MYOM3: variants seen among roughly 807,000 people sequenced by gnomAD.
The protein encoded by MYOM3 is myomesin 3.
Under a neutral mutation model 191.7 loss-of-function variants are expected in MYOM3, and 155 were observed. That is an observed-to-expected ratio of 0.81 (90% CI 0.71 to 0.92). The LOEUF (loss-of-function observed/expected upper bound fraction) is 0.92. MYOM3 is among the 40% of genes least tolerant of loss of function. The pLI is 0.00. For missense variants in MYOM3, 1,889 were observed against 1,890.6 expected (o/e 1.00, Z 0.02); for synonymous variants, 757 against 762.9 (o/e 0.99, Z 0.13).
rs746308328 is a variant in MYOM3, at chr1:24,076,153, C to T, written c.2701+6G>A. 3.7e-6 allele frequency: 6 copies of T among 1,612,388 alleles called. No homozygotes were observed. In the South Asian group the frequency reaches 4.4e-5, roughly 12 times the overall value. ...GCAGAGCTCTGGCCTCTCCGGCCAC[C>T]CCTACCTGGCTTGTCCTCCAGGAGC... is the stretch of plus-strand genomic sequence containing the variant. On this transcript the variant is annotated splice_donor_region_variant and intron_variant, in intron 21 of 36. Coordinates refer to ENST00000374434, the MANE Select transcript of MYOM3 (RefSeq NM_152372.4).
rs755506579 is a variant in MYOM3, at chr1:24,063,591, G to A, written c.3623-61C>T. ...GGGCTCCCCTAGGGATGTGCTAGGA[G>A]TGGGGACATCCTAGAAAAAGGCTGG... On this transcript the variant is annotated intron_variant, in intron 30 of 36. Transcript: ENST00000374434. This position sits in a 1 kb window ranked among gnomAD's most constrained non-coding sequence, Gnocchi z 4.5. 6.9e-6 allele frequency: 11 copies of A among 1,592,298 alleles called. No homozygotes were observed. Among genetic ancestry groups the A allele is most frequent in the Non-Finnish European group, 9.5e-6 (11 of 1,160,842 alleles).
intron 15 of MYOM3, 98 bp from the exon 16 acceptor site, chr1:24,084,737 C>A: frequency 8.9e-7 from 1 of 1,122,452 alleles, no homozygotes; most frequent in Non-Finnish European, 1.3e-6. Flanking sequence ...AGAAGGAGCT[C>A]CCACAGCAAT....
chr1:24,072,490 G>A (rs1643544372), intron 23 of MYOM3, among the ~76,000 whole-genome samples: 1 of 152,042 alleles, frequency 6.6e-6, no homozygotes, highest in South Asian at 2.1e-4. Flanking sequence ...GTCTCAGACT[G>A]TTCTAGAATG....
rs201180005 is a variant in MYOM3 at position 24,092,207 on chromosome 1, C to T, written c.1199G>A (p.Arg400Gln). The change falls in exon 11 of 37, where the codon CGG becomes CAG. Residue 400 changes from arginine to glutamine, a missense_variant. By Grantham distance (43) the Arg-to-Gln change is conservative. Transcript: ENST00000374434. ...ILTWAPPSDT[R>Q]GNPITAYTIE... ...GGTGTAGGCAGTGATGGGGTTGCCC[C>T]GGGTGTCACTGGGCGGGGCCCAAGT... 180 of 1,456,920 alleles carry T rather than the reference C, an allele frequency of 1.2e-4. 1 individual carries two copies. The highest frequency in any genetic ancestry group is 7.4e-4 in the Middle Eastern group (4 of 5,436). 90.2% of individuals were successfully genotyped at this position (1,456,920 alleles called of 1,614,324 possible). A position where few individuals can be genotyped will look rare whatever the true frequency, so the allele number is the denominator to read the frequency against.
In MYOM3 at chr1:24,090,918, G is replaced by C; in HGVS notation, c.1311C>G (p.Leu437=). Reference sequence around the variant, plus strand: ...GGAACCGATAGCTCTGACCTTCGACGAGGCCTTGGATTGGGCACCGACAAG... The same window carrying C: ...GGAACCGATAGCTCTGACCTTCGACCAGGCCTTGGATTGGGCACCGACAAG... ...GGTCRCPIQG[L]VEGQSYRFRV... The change falls in exon 12 of 37, where the codon CTC becomes CTG. Residue 437 remains leucine, a synonymous_variant. Coordinates refer to ENST00000374434, the MANE Select transcript of MYOM3 (RefSeq NM_152372.4). The C allele has an allele frequency of 6.2e-7, 1 of 1,614,104 alleles. No homozygotes were observed. The highest frequency in any genetic ancestry group is 8.5e-7 in the Non-Finnish European group (1 of 1,179,998).
chr1:24,061,112 A>T, intron 34 of MYOM3, 30 bp from the exon 35 acceptor site: 1 of 1,614,122 alleles, frequency 6.2e-7, no homozygotes, highest in Non-Finnish European at 8.5e-7. Context: ...ACAAGGTGTG[A>T]CATTCCACTT....
chr1:24,072,692 G>A (rs1273545027), intron 23 of MYOM3, among the ~76,000 whole-genome samples: 1 of 152,014 alleles, frequency 6.6e-6, no homozygotes, highest in African/African-American at 2.4e-5. Flanking sequence ...GTGCCACCAC[G>A]CCCAGCTAAT....
At chr1:24,093,136 A>T in intron 9 of MYOM3, 28 bp from the exon 10 acceptor site, 1 of 1,576,756 alleles carries the variant, frequency 6.3e-7, no homozygotes, top group Non-Finnish European at 8.6e-7. Context: ...GGGGCCATTG[A>T]GTTTGTGGGG....
At chr1:24,086,564 C>A in intron 15 of MYOM3, 80 bp downstream of exon 15, 2 of 1,427,454 alleles carry the variant, frequency 1.4e-6, no homozygotes, top group Non-Finnish European at 1.9e-6. Flanking sequence ...GGGAAGTGGG[C>A]AGGGCTTTGT....
chr1:24,076,343 G>A, intron 20 of MYOM3, 70 bp from the exon 21 acceptor site: 4 of 1,117,424 alleles, frequency 3.6e-6, no homozygotes, highest in East Asian at 2.4e-5. Context: ...GCCCCAGGGA[G>A]CAGGGAGCCA....
Position 24,084,526 on chromosome 1 carries a change from G to T in MYOM3, c.1912C>A (p.Arg638=), listed in dbSNP as rs767300473. The part of the protein sequence containing the change: ...PELLGYYIYS[R]KVGTSEWQTV... Reference sequence around the variant, plus strand: ...TGCCACTCAGATGTCCCCACCTTCCGGGAGTAGATGTAATAACCCAGGAGC... The same window carrying T: ...TGCCACTCAGATGTCCCCACCTTCCTGGAGTAGATGTAATAACCCAGGAGC... Residue 638 remains arginine, a synonymous_variant, in exon 16 of 37, where the codon CGG becomes AGG. Transcript: ENST00000374434. 1 of 1,614,138 alleles carries T rather than the reference G, an allele frequency of 6.2e-7. No individual in the cohort carries two copies. Among genetic ancestry groups the T allele is most frequent in the Non-Finnish European group, 8.5e-7 (1 of 1,180,020 alleles).
intron 27 of MYOM3, 100 bp downstream of exon 27, chr1:24,067,870 G>C: frequency 8.5e-7 from 1 of 1,175,928 alleles, no homozygotes; most frequent in Non-Finnish European, 1.3e-6. Context: ...GACCTCCCTT[G>C]GGGACCCAGC....
chr1:24,092,576 C>A (rs545239237), intron 10 of MYOM3, among the ~76,000 whole-genome samples: 1 of 152,306 alleles, frequency 6.6e-6, no homozygotes, highest in Admixed American at 6.5e-5. Flanking sequence ...GAGCAGCCTT[C>A]CCCTCTTTGG....
At position 24,068,375 on chromosome 1, in the gene MYOM3, G is replaced by A. The variant is rs1408015599; in HGVS notation, c.3151-8C>T. The A allele has an allele frequency of 1.2e-6, 2 of 1,614,090 alleles. No individual in the cohort carries two copies. Among genetic ancestry groups the A allele is most frequent in the Admixed American group, 1.7e-5 (1 of 60,020 alleles). The stretch of plus-strand genomic sequence containing the variant: ...AAAATTGATTTTGCGGTTCTGAAAA[G>A]GACAAACTCCAGAGTCCTTTTCCCT... On this transcript the variant is annotated splice_polypyrimidine_tract_variant and splice_region_variant and intron_variant, in intron 25 of 36. Coordinates refer to ENST00000374434, the MANE Select transcript of MYOM3 (RefSeq NM_152372.4).
rs1570853931 is a variant in MYOM3 at position 24,066,413 on chromosome 1, A to T, written c.3424-412T>A. On this transcript the variant is annotated intron_variant, in intron 28 of 36. Transcript: ENST00000374434. ...TCTTTGTACGTTCAGTACCGTGCAG[A>T]GTGGCACAAAATAGATGCTCTGAGT... 6 of 597,162 alleles carry T rather than the reference A, an allele frequency of 1.0e-5. No individual in the cohort carries two copies. The East Asian group carries it at 1.7e-4, about 17-fold the overall frequency. The allele number at this position is 597,162 out of a possible 1,614,324, so 37.0% of individuals were successfully genotyped here. A position where few individuals can be genotyped will look rare whatever the true frequency, so the allele number is the denominator to read the frequency against.
chr1:24,099,141 A>G (rs570108839), intron 6 of MYOM3, among the ~76,000 whole-genome samples: 1 of 152,194 alleles, frequency 6.6e-6, no homozygotes, highest in South Asian at 2.1e-4. Context: ...CCCAGCATGC[A>G]TCCTGCCTCT....
At position 24,092,829 on chromosome 1, in the gene MYOM3, G is replaced by A. The variant is rs951796018; in HGVS notation, c.1090+118C>T. ...CCCAACCCAAAGCCCTGATTTTATG[G>A]TAGAGAAATTGAGGCCCCAAGAGAG... On this transcript the variant is annotated intron_variant, in intron 10 of 36. Transcript: ENST00000374434. 8 of 1,044,654 alleles carry A rather than the reference G, an allele frequency of 7.7e-6. No individual in the cohort carries two copies. The African/African-American group carries it at 1.3e-4, about 17-fold the overall frequency. The allele number at this position is 1,044,654 out of a possible 1,614,324, so 64.7% of individuals were successfully genotyped here.
chr1:24,072,087 GC>G, intron 23 of MYOM3, 74 bp from the exon 24 acceptor site: 3 of 1,447,372 alleles, frequency 2.1e-6, no homozygotes, highest in Non-Finnish European at 2.9e-6. Context: ...GCCCACAGGA[GC>G]CGTCCTAGGA....
rs1181019895 is a variant in MYOM3, at chr1:24,089,568, G to T, written c.1584C>A (p.Asp528Glu). The change falls in exon 14 of 37, where the codon GAC becomes GAA. Residue 528 changes from aspartate (D) to glutamate (E), a missense_variant. Asp to Glu is a conservative substitution (Grantham distance 45). Coordinates refer to ENST00000374434, the MANE Select transcript of MYOM3 (RefSeq NM_152372.4). ...CCAGGGAGTACGTCAGTGGTGCTCT[G>T]TCCCGGGGGCTGGGCTCCTCCCAGG... ...VLAWEEPSPR[D>E]RAPLTYSLEK... The T allele has an allele frequency of 1.3e-6, 2 of 1,599,620 alleles. No homozygotes were observed. The highest frequency in any genetic ancestry group is 1.3e-5 in the African/African-American group (1 of 74,694).
Sources: allele counts gnomAD v4.1 joint callset (sites outside exome capture counted in the v4.1 genomes callset), GRCh38; gene constraint gnomAD v4.1.1; non-coding constraint Gnocchi (gnomAD v3.1); transcripts MANE v1.5; gene names NCBI Gene and HGNC (gene_info 2026-07-23, HGNC 2026-07-21).